Variants in MAMDC4 observed in about 807,000 individuals in gnomAD.
MAMDC4 encodes the protein apical endosomal glycoprotein.
MAMDC4 carries 168 observed loss-of-function variants against 153.3 expected under a neutral mutation model. The ratio of observed to expected loss-of-function variants is 1.10; its 90% CI spans 0.97 to 1.25. The LOEUF is 1.25. MAMDC4 is among the 50% of genes most tolerant of loss of function. The probability of loss-of-function intolerance (pLI) is 0.00; values close to 1 mark genes in which losing one functional copy is unlikely to be tolerated. For synonymous variants in MAMDC4, 744 were observed against 651.5 expected (o/e 1.14, Z -2.16); for missense variants, 1,701 against 1,542.8 (o/e 1.10, Z -1.72).
At chr9:136,858,900 G>C (rs766769371) in intron 23 of MAMDC4, 47 bp downstream of exon 23, 7 of 1,578,722 alleles carry the variant, frequency 4.4e-6, no homozygotes, top group African/African-American at 1.4e-5. Context: ...GGGGCAGCAG[G>C]GGTCCAGGAG....
In MAMDC4 at chr9:136,859,012, G is replaced by A. The variant is rs1288561418; in HGVS notation, c.2964G>A (p.Gly988=). 1 of 1,525,986 alleles carries A rather than the reference G, an allele frequency of 6.6e-7. No individual in the cohort carries two copies. The highest frequency in any genetic ancestry group is 8.8e-7 in the Non-Finnish European group (1 of 1,132,754). The allele number at this position is 1,525,986 out of a possible 1,614,324, so 94.5% of individuals were successfully genotyped here. A position where few individuals can be genotyped will look rare whatever the true frequency, so the allele number is the denominator to read the frequency against. ...HMGFPEHFYK[G]ELKVLLHSAQ... ...CCCTGGCCCTGCTCTCAGACAAGGGGGAGCTGAAGGTACTGCTGCACAGTG... is the reference window on the plus strand; with the variant it reads ...CCCTGGCCCTGCTCTCAGACAAGGGAGAGCTGAAGGTACTGCTGCACAGTG... The change falls in exon 24 of 27, where the codon GGG becomes GGA. Residue 988 remains glycine, a synonymous_variant. Coordinates refer to ENST00000317446, the MANE Select transcript of MAMDC4 (RefSeq NM_206920.3).
rs141677206 is a variant in MAMDC4, at chr9:136,854,777, C to T, written c.950C>T (p.Ser317Phe). ...TTTCCCGCAGGCTCCTTCCTGGTCT[C>T]CGTGGCCGAGCCTGGCACCCCTGCT... is the stretch of plus-strand genomic sequence containing the variant. ...RNSAQGSFLV[S>F]VAEPGTPAIL... Residue 317 changes from serine (S) to phenylalanine (F), a missense_variant, in exon 9 of 27, where the codon TCC (serine) becomes TTC (phenylalanine). Transcript: ENST00000317446. 2,884 of 1,612,808 alleles carry T rather than the reference C, an allele frequency of 1.8e-3. 4 individuals carry two copies. The highest frequency in any genetic ancestry group is 2.2e-3 in the Non-Finnish European group (2,633 of 1,179,876).
At position 136,855,045 on chromosome 9, in the gene MAMDC4, C is replaced by T. The variant is rs766190024; in HGVS notation, c.1132C>T (p.Arg378Ter). The part of the protein sequence containing the change: ...PRAPVLLRRR[R>*]GELGTAWVRD... ...GGCCCCCGTCCTGCTGCGGAGGCGC[C>T]GAGGGGAGCTGGGGACCGCCTGGGT... The change falls in exon 10 of 27, where the codon CGA becomes TGA. Residue 378 changes from arginine to a stop codon, truncating the protein, a stop_gained. Transcript: ENST00000317446. LOFTEE classifies it high-confidence loss of function. 8 of 1,607,360 alleles carry T rather than the reference C, an allele frequency of 5.0e-6. No homozygotes were observed. Among genetic ancestry groups the T allele is most frequent in the Middle Eastern group, 2.1e-4 (1 of 4,702 alleles).
rs916640216 is a variant in MAMDC4 at position 136,857,964 on chromosome 9, C to T, written c.2465-15C>T. 2.7e-6 allele frequency: 4 copies of T among 1,494,442 alleles called. No homozygotes were observed. Among genetic ancestry groups the T allele is most frequent in the East Asian group, 2.5e-5 (1 of 40,404 alleles). The allele number at this position is 1,494,442 out of a possible 1,614,324, so 92.6% of individuals were successfully genotyped here. A position where few individuals can be genotyped will look rare whatever the true frequency, so the allele number is the denominator to read the frequency against. ...CTCTCCCCACACTGCTGACCTGGGCCGCCCCTGCTGGCAGGCACCCTGCGG... is the reference window on the plus strand; with the variant it reads ...CTCTCCCCACACTGCTGACCTGGGCTGCCCCTGCTGGCAGGCACCCTGCGG... On this transcript the variant is annotated splice_polypyrimidine_tract_variant and intron_variant, in intron 19 of 26. Coordinates refer to ENST00000317446, the MANE Select transcript of MAMDC4 (RefSeq NM_206920.3).
Position 136,857,050 on chromosome 9 carries a change from A to G in MAMDC4, c.1972+9A>G. 1 of 1,609,220 alleles carries G rather than the reference A, an allele frequency of 6.2e-7. No homozygotes were observed. The highest frequency in any genetic ancestry group is 1.1e-5 in the South Asian group (1 of 90,734). Reference sequence around the variant, plus strand: ...CCATGGGCCCCAGATTGGTGAGTGGACCTGGAAACAGGGCAGAGCCTGTGG... The same window carrying G: ...CCATGGGCCCCAGATTGGTGAGTGGGCCTGGAAACAGGGCAGAGCCTGTGG... On this transcript the variant is annotated intron_variant, in intron 16 of 26. Coordinates refer to ENST00000317446, the MANE Select transcript of MAMDC4 (RefSeq NM_206920.3).
chr9:136,852,804 G>A (rs1459931501), intron 1 of MAMDC4, among the ~76,000 whole-genome samples: 12 of 152,276 alleles, frequency 7.9e-5, no homozygotes, highest in Admixed American at 5.2e-4. Context: ...ATTGGGGGTC[G>A]CCCTCCCAGT....
In MAMDC4 at chr9:136,859,016, C is replaced by A. The variant is rs780976682; in HGVS notation, c.2968C>A (p.Leu990Met). 6.5e-7 allele frequency: 1 copy of A among 1,529,046 alleles called. No homozygotes were observed. Among genetic ancestry groups the A allele is most frequent in the South Asian group, 1.2e-5 (1 of 81,444 alleles). The allele number at this position is 1,529,046 out of a possible 1,614,324, so 94.7% of individuals were successfully genotyped here. A position where few individuals can be genotyped will look rare whatever the true frequency, so the allele number is the denominator to read the frequency against. Residue 990 changes from leucine to methionine, a missense_variant, in exon 24 of 27, where the codon CTG (leucine) becomes ATG (methionine). By Grantham distance (15) the Leu-to-Met change is conservative (BLOSUM62 2). Transcript: ENST00000317446. Reference protein sequence around the residue: ...GFPEHFYKGELKVLLHSAQGQ... With the variant: ...GFPEHFYKGEMKVLLHSAQGQ... ...GGCCCTGCTCTCAGACAAGGGGGAG[C>A]TGAAGGTACTGCTGCACAGTGCTCA... is the stretch of plus-strand genomic sequence containing the variant.
At chr9:136,860,316 T>TTCCC (rs1430923273) in intron 26 of MAMDC4, among the ~76,000 whole-genome samples, 1 of 152,158 alleles carries the variant, frequency 6.6e-6, no homozygotes, top group Non-Finnish European at 1.5e-5. Flanking sequence ...GGTCAGGAGT[T>TTCCC]TGAGACCAGC....
chr9:136,855,374 C>T, intron 11 of MAMDC4, 36 bp downstream of exon 11: 1 of 1,599,594 alleles, frequency 6.3e-7, no homozygotes, highest in Non-Finnish European at 8.5e-7. Context: ...CTGCCTTGCC[C>T]TGGAGAGGCA....
chr9:136,857,936 G>C (rs1453880034), intron 19 of MAMDC4, 43 bp from the exon 20 acceptor site: 1 of 1,474,354 alleles, frequency 6.8e-7, no homozygotes, highest in Non-Finnish European at 9.0e-7. Context: ...GGGCCTGCAG[G>C]TGCTCTCCCC....
At chr9:136,857,828 C>T in intron 19 of MAMDC4, 32 bp downstream of exon 19, 1 of 1,601,366 alleles carries the variant, frequency 6.2e-7, no homozygotes, top group Non-Finnish European at 8.5e-7. Flanking sequence ...CCCCAGTGGG[C>T]TCAGGGAAGC....
At chr9:136,855,942 C>G (rs752716698) in intron 13 of MAMDC4, 76 bp from the exon 14 acceptor site, 1 of 1,550,180 alleles carries the variant, frequency 6.5e-7, no homozygotes, top group Non-Finnish European at 8.7e-7. Flanking sequence ...CAGAGGGTCT[C>G]TGGACTGGGG....
Position 136,857,699 on chromosome 9 carries a change from C to T in MAMDC4, c.2367C>T (p.Pro789=), listed in dbSNP as rs570468959. The T allele has an allele frequency of 1.2e-6, 2 of 1,612,628 alleles. No individual in the cohort carries two copies. The highest frequency in any genetic ancestry group is 2.2e-5 in the East Asian group (1 of 44,868). ...TGGACACAAGCCCAGACGCACTACC[C>T]CGGGGCCAGACGGCCTCCCTGACCT... ...MVVDTSPDAL[P]RGQTASLTSK... The change falls in exon 19 of 27, where the codon CCC becomes CCT. Residue 789 remains proline, a synonymous_variant. Coordinates refer to ENST00000317446, the MANE Select transcript of MAMDC4 (RefSeq NM_206920.3).
rs373212833 is a variant in MAMDC4, at chr9:136,854,216, C to G, written c.676C>G (p.Gln226Glu). The G allele has an allele frequency of 2.4e-5, 38 of 1,612,272 alleles. No individual in the cohort carries two copies. The highest frequency in any genetic ancestry group is 3.0e-5 in the Non-Finnish European group (35 of 1,179,776). Residue 226 changes from glutamine to glutamate, a missense_variant, in exon 7 of 27, where the codon CAG becomes GAG. By Grantham distance (29) the Gln-to-Glu change is conservative. Transcript: ENST00000317446. ...GTTAACCCTGCCCCACCCAGCCCCC[C>G]AGGCCAACTGTCCCCCGGGACACCA... is the stretch of plus-strand genomic sequence containing the variant. ...EFWDCGLPTPQANCPPGHHHC... is the reference protein window; with the variant it reads ...EFWDCGLPTPEANCPPGHHHC...
At position 136,853,184 on chromosome 9, in the gene MAMDC4, G is replaced by A. The variant is rs771803461; in HGVS notation, c.129G>A (p.Arg43=). ...TGTGCAACTTCGTGTGTGACTGCAG[G>A]GACTGCTCAGATGAGGCCCAGTGTG... ...QAVCNFVCDC[R]DCSDEAQCGY... The change falls in exon 2 of 27, where the codon AGG becomes AGA. Residue 43 remains arginine (R), a synonymous_variant. Coordinates refer to ENST00000317446, the MANE Select transcript of MAMDC4 (RefSeq NM_206920.3). 3 of 1,612,832 alleles carry A rather than the reference G, an allele frequency of 1.9e-6. No homozygotes were observed. Among genetic ancestry groups the A allele is most frequent in the East Asian group, 2.2e-5 (1 of 44,888 alleles).
Position 136,855,815 on chromosome 9 carries a change from C to T in MAMDC4, c.1555C>T (p.Gln519Ter), listed in dbSNP as rs1292230779. 6.5e-7 allele frequency: 1 copy of T among 1,532,332 alleles called. No homozygotes were observed. The highest frequency in any genetic ancestry group is 1.2e-5 in the South Asian group (1 of 80,504). The allele number at this position is 1,532,332 out of a possible 1,614,324, so 94.9% of individuals were successfully genotyped here. A position where few individuals can be genotyped will look rare whatever the true frequency, so the allele number is the denominator to read the frequency against. The stretch of plus-strand genomic sequence containing the variant: ...GCTGCAGTGGCGGCGTGTCTCAGCC[C>T]AGGAGAGCCAGGGGTCCAGTGCAGC... ...GRLQWRRVSA[Q>*]ESQGSSAAAA... is the part of the protein sequence containing the mutation. The change falls in exon 13 of 27, where the codon CAG becomes TAG. Residue 519 changes from glutamine (Q) to a stop codon, truncating the protein, a stop_gained. Transcript: ENST00000317446. LOFTEE classifies it high-confidence loss of function.
rs1051172737 is a variant in MAMDC4, at chr9:136,859,226, T to C, written c.3102T>C (p.Thr1034=). 4 of 1,611,440 alleles carry C rather than the reference T, an allele frequency of 2.5e-6. No individual in the cohort carries two copies. The African/African-American group carries it at 4.0e-5, about 16-fold the overall frequency. Residue 1034 remains threonine, a synonymous_variant, in exon 25 of 27, where the codon ACT becomes ACC. Coordinates refer to ENST00000317446, the MANE Select transcript of MAMDC4 (RefSeq NM_206920.3). ...AKEFQIVFEA[T]LGGQPALGPI... The stretch of plus-strand genomic sequence containing the variant: ...TCCATCAGATCGTGTTTGAAGCCAC[T>C]CTGGGCGGCCAGCCAGCCCTGGGGC...
chr9:136,854,350 G>C lies in MAMDC4; in HGVS notation c.796+14G>C, dbSNP rs142062081. On this transcript the variant is annotated intron_variant, in intron 7 of 26. Coordinates refer to ENST00000317446, the MANE Select transcript of MAMDC4 (RefSeq NM_206920.3). ...CACTCACCTGTGGTGAGGCCGGAGT[G>C]GGGGCCCAGAGTGAGGCTGGGAGAC... 4 of 1,536,472 alleles carry C rather than the reference G, an allele frequency of 2.6e-6. No homozygotes were observed. The highest frequency in any genetic ancestry group is 2.0e-5 in the Admixed American group (1 of 49,124).
rs778955350 is a variant in MAMDC4 at position 136,854,945 on chromosome 9, C to T, written c.1032C>T (p.Phe344=). 1.2e-5 allele frequency: 19 copies of T among 1,611,322 alleles called. No homozygotes were observed. Among genetic ancestry groups the T allele is most frequent in the African/African-American group, 2.7e-5 (2 of 74,892 alleles). ...ASGTSNCSLV[F]YQYLSGSEAG... ...AGCTCTTGGTTCCACAGCTGGTCTT[C>T]TATCAGTACCTGAGTGGGTCTGAGG... is the stretch of plus-strand genomic sequence containing the variant. The change falls in exon 10 of 27, where the codon TTC becomes TTT. Residue 344 remains phenylalanine, a synonymous_variant. Coordinates refer to ENST00000317446, the MANE Select transcript of MAMDC4 (RefSeq NM_206920.3).
Sources: gnomAD v4.1 joint callset for allele counts (sites outside exome capture counted in the v4.1 genomes callset) on GRCh38, gnomAD v4.1.1 for gene constraint, MANE v1.5 for transcripts, NCBI Gene and HGNC (gene_info 2026-07-23, HGNC 2026-07-21) for gene names.